MAPKAP1: variants seen among roughly 807,000 people sequenced by gnomAD.
MAPKAP1 encodes MAPK associated protein 1.
MAPKAP1 carries 20 observed loss-of-function variants against 65.7 expected under a neutral mutation model. The observed-to-expected ratio is 0.30, with a 90% CI of 0.21 to 0.44. The LOEUF (loss-of-function observed/expected upper bound fraction) is 0.44, where lower values mean the gene tolerates loss of function less well. MAPKAP1 is among the 20% of genes least tolerant of loss of function. The pLI, the probability that MAPKAP1 is intolerant of heterozygous loss-of-function variation, is 1.00. For synonymous variants in MAPKAP1, 222 were observed against 244.3 expected (o/e 0.91, Z 0.85); for missense variants, 423 against 648.0 (o/e 0.65, Z 3.77).
At chr9:125,463,329 G>T (rs1180613021) in intron 10 of MAPKAP1, among the ~76,000 whole-genome samples, 1 of 152,168 alleles carries the variant, frequency 6.6e-6, no homozygotes. Context: ...TAACTGGCTT[G>T]GCCATTAAGG....
intron 9 of MAPKAP1, among the ~76,000 whole-genome samples, chr9:125,470,658 T>C (rs962533168): frequency 6.6e-6 from 1 of 152,224 alleles, no homozygotes; most frequent in African/African-American, 2.4e-5. Flanking sequence ...ACTTTCCCAA[T>C]GACGCCCTTT....
intron 3 of MAPKAP1, among the ~76,000 whole-genome samples, chr9:125,665,687 C>G (rs1304078607): frequency 6.6e-6 from 1 of 151,848 alleles, no homozygotes; most frequent in South Asian, 2.1e-4. Context: ...CCCCCATCTA[C>G]TAAATCAAGA....
chr9:125,572,204 CACTTT>C (rs1831255572), intron 5 of MAPKAP1, among the ~76,000 whole-genome samples: 1 of 152,146 alleles, frequency 6.6e-6, no homozygotes, highest in Non-Finnish European at 1.5e-5. Context: ...TAAAGAATGT[CACTTT>C]CTAACAGGTC....
intron 4 of MAPKAP1, among the ~76,000 whole-genome samples, chr9:125,589,843 T>C (rs558460858): frequency 3.9e-5 from 6 of 152,364 alleles, no homozygotes; most frequent in Admixed American, 3.9e-4. Context: ...CTTGCACGTG[T>C]GCACTCTCTG....
chr9:125,524,457 G>A (rs1448547307), intron 7 of MAPKAP1, among the ~76,000 whole-genome samples: 2 of 152,180 alleles, frequency 1.3e-5, no homozygotes, highest in African/African-American at 4.8e-5. Context: ...ATTTTGCCAT[G>A]TTCAACTCTC....
chr9:125,686,403 A>G (rs1424429332), intron 1 of MAPKAP1, among the ~76,000 whole-genome samples: 1 of 152,230 alleles, frequency 6.6e-6, no homozygotes, highest in East Asian at 1.9e-4. Context: ...AAGATCACTC[A>G]GGAAACCTAA....
Position 125,521,830 on chromosome 9 carries a change from C to T in MAPKAP1, c.959-15413G>A, listed in dbSNP as rs148411393. The stretch of plus-strand genomic sequence containing the variant: ...TTTATCTTCAACCTTCTCTGAGCTA[C>T]ATGAAAGTGGTGACTCCAACCTGAG... On this transcript the variant is annotated intron_variant, in intron 7 of 11. Transcript: ENST00000265960. The T allele has an allele frequency of 2.8e-3, 4,212 of 1,529,584 alleles. 21 individuals carry two copies. Among genetic ancestry groups the T allele is most frequent in the Middle Eastern group, 0.026 (150 of 5,834 alleles). 94.8% of individuals were successfully genotyped at this position (1,529,584 alleles called of 1,614,324 possible).
chr9:125,524,063 T>C (rs1249388506), intron 7 of MAPKAP1, among the ~76,000 whole-genome samples: 4 of 152,256 alleles, frequency 2.6e-5, no homozygotes, highest in African/African-American at 4.8e-5. Context: ...TTTATTTTTT[T>C]ACGTAAGTAA....
chr9:125,506,646 CAAGT>C (rs1829150889), intron 7 of MAPKAP1, among the ~76,000 whole-genome samples: 1 of 152,138 alleles, frequency 6.6e-6, no homozygotes, highest in Non-Finnish European at 1.5e-5. Flanking sequence ...TCCCCGAAAC[CAAGT>C]AAGAGGTAAA....
chr9:125,444,037 G>GT (rs1852602916), intron 11 of MAPKAP1, among the ~76,000 whole-genome samples: 1 of 152,208 alleles, frequency 6.6e-6, no homozygotes. Flanking sequence ...TGAGTATACT[G>GT]TTTAGGTATG....
intron 4 of MAPKAP1, among the ~76,000 whole-genome samples, chr9:125,636,628 T>A (rs2131699296): frequency 6.6e-6 from 1 of 152,284 alleles, no homozygotes; most frequent in East Asian, 1.9e-4. Flanking sequence ...ACCAGACCAT[T>A]CACAACTAAA....
chr9:125,554,975 T>C (rs1422198508), intron 6 of MAPKAP1, among the ~76,000 whole-genome samples: 1 of 152,154 alleles, frequency 6.6e-6, no homozygotes, highest in African/African-American at 2.4e-5. Context: ...AAGACTCAAG[T>C]TGACAAGTAA....
chr9:125,512,046 A>G (rs1365820842), intron 7 of MAPKAP1, among the ~76,000 whole-genome samples: 1 of 152,230 alleles, frequency 6.6e-6, no homozygotes. Flanking sequence ...CGAGGCAAAC[A>G]TCTCAGCACA....
intron 3 of MAPKAP1, among the ~76,000 whole-genome samples, chr9:125,666,337 T>C (rs1318630719): frequency 1.3e-5 from 2 of 152,214 alleles, no homozygotes; most frequent in East Asian, 1.9e-4. Context: ...GCTGCCCTTA[T>C]GCTGTGTCTT....
At chr9:125,632,698 A>G (rs1378399116) in intron 4 of MAPKAP1, among the ~76,000 whole-genome samples, 1 of 152,166 alleles carries the variant, frequency 6.6e-6, no homozygotes, top group Non-Finnish European at 1.5e-5. Flanking sequence ...TCATCAGCCT[A>G]TCATCAATGT....
chr9:125,657,806 T>C lies in MAPKAP1; in HGVS notation c.350-7A>G. 1.2e-6 allele frequency: 2 copies of C among 1,609,810 alleles called. No homozygotes were observed. The highest frequency in any genetic ancestry group is 2.2e-5 in the South Asian group (2 of 90,222). On this transcript the variant is annotated splice_polypyrimidine_tract_variant and splice_region_variant and intron_variant, in intron 3 of 11. Transcript: ENST00000265960. ...AGTGACTTTAACTCCTGGGCTGTGA[T>C]ACAAGAGGAAGAAAAACATCTTTGT...
chr9:125,506,744 T>C (rs1829153933), intron 7 of MAPKAP1, among the ~76,000 whole-genome samples: 1 of 152,170 alleles, frequency 6.6e-6, no homozygotes, highest in African/African-American at 2.4e-5. Context: ...TCCTAATATG[T>C]AATGTAGGAA....
At chr9:125,485,913 A>G (rs1564527617) in intron 8 of MAPKAP1, among the ~76,000 whole-genome samples, 1 of 152,218 alleles carries the variant, frequency 6.6e-6, no homozygotes, top group African/African-American at 2.4e-5. Context: ...TGTATGCTTC[A>G]TAAGAGCAGT....
intron 4 of MAPKAP1, among the ~76,000 whole-genome samples, chr9:125,653,785 G>C (rs949342332): frequency 2.0e-5 from 3 of 152,138 alleles, no homozygotes; most frequent in African/African-American, 7.2e-5. Context: ...CTTCATCCTA[G>C]CATTATCCTA....
Sources: allele counts gnomAD v4.1 joint callset (sites outside exome capture counted in the v4.1 genomes callset), GRCh38; gene constraint gnomAD v4.1.1; transcripts MANE v1.5; gene names NCBI Gene and HGNC (gene_info 2026-07-23, HGNC 2026-07-21).